The following ZMYM1 variants were observed in gnomAD, a reference collection of about 807,000 sequenced individuals.
ZMYM1 encodes the protein zinc finger MYM-type containing 1.
ZMYM1 carries 39 observed loss-of-function variants against 60.0 expected under a neutral mutation model. The observed-to-expected ratio is 0.65, with a 90% CI of 0.50 to 0.85. The LOEUF (loss-of-function observed/expected upper bound fraction) is 0.85. Ranked by LOEUF, ZMYM1 falls within the 40% of genes least tolerant of loss-of-function variation. ZMYM1 has a pLI of 0.00. For missense variants in ZMYM1, 1,171 were observed against 1,309.5 expected, an observed-to-expected ratio of 0.89 and a Z score of 1.63; for synonymous variants, 413 against 454.0, an observed-to-expected ratio of 0.91 and a Z score of 1.15.
chr1:35,088,412 C>T (rs1056835132), intron 1 of ZMYM1, among the ~76,000 whole-genome samples: 6 of 116,762 alleles, frequency 5.1e-5, no homozygotes, highest in Non-Finnish European at 8.9e-5. Flanking sequence ...AGTGAGACTC[C>T]ATCTCAAAAA....
Position 35,115,260 on chromosome 1 carries a change from T to TA in ZMYM1, c.*2dup, listed in dbSNP as rs779179459. 6.4e-7 allele frequency: 1 copy of TA among 1,566,468 alleles called. No homozygotes were observed. The highest frequency in any genetic ancestry group is 1.2e-5 in the South Asian group (1 of 82,602). On this transcript the variant is annotated 3_prime_UTR_variant, in exon 10 of 10. Transcript: ENST00000359858. Reference sequence around the variant, plus strand: ...TATCAGTCAGATGAAAGAAATATAATACATGCTCATTTGAACTTACCTAAA... The same window carrying TA: ...TATCAGTCAGATGAAAGAAATATAATAACATGCTCATTTGAACTTACCTAAA...
intron 1 of ZMYM1, among the ~76,000 whole-genome samples, chr1:35,087,675 G>A (rs916682894): frequency 2.3e-4 from 35 of 152,116 alleles, no homozygotes; most frequent in African/African-American, 7.2e-4. Flanking sequence ...TGATCAGCCC[G>A]CGTTGGCCTC....
At chr1:35,077,773 C>CT (rs1467427202), upstream of ZMYM1, among the ~76,000 whole-genome samples, 1 of 152,184 alleles carries the variant, frequency 6.6e-6, no homozygotes, top group Admixed American at 6.6e-5. Flanking sequence ...CTTAAAAACT[C>CT]TGATTCCCAA....
intron 1 of ZMYM1, among the ~76,000 whole-genome samples, chr1:35,086,144 C>T (rs1489342342): frequency 6.6e-6 from 1 of 152,092 alleles, no homozygotes; most frequent in Non-Finnish European, 1.5e-5. Context: ...ATTTGAATTT[C>T]ATTATATAAA....
At chr1:35,063,911 T>C (rs1290381231) in intron 1 of ZMYM1, among the ~76,000 whole-genome samples, 3 of 152,158 alleles carry the variant, frequency 2.0e-5, no homozygotes, top group Non-Finnish European at 4.4e-5. Context: ...TTTCCCTCAC[T>C]GATAATGGAG....
Position 35,114,586 on chromosome 1 carries a change from T to A in ZMYM1, c.2756T>A (p.Ile919Lys). 1 of 1,609,698 alleles carries A rather than the reference T, an allele frequency of 6.2e-7. No homozygotes were observed. Among genetic ancestry groups the A allele is most frequent in the African/African-American group, 1.3e-5 (1 of 74,870 alleles). The change falls in exon 10 of 10, where the codon ATA becomes AAA. Residue 919 changes from isoleucine to lysine, a missense_variant. Coordinates refer to ENST00000359858, the MANE Select transcript of ZMYM1 (RefSeq NM_024772.5). The part of the protein sequence containing the change: ...FKTIWDGTEE[I>K]CQKITCKGFK... Reference sequence around the variant, plus strand: ...ACAATCTGGGATGGAACAGAGGAAATATGTCAAAAAATAACCTGTAAAGGT... The same window carrying A: ...ACAATCTGGGATGGAACAGAGGAAAAATGTCAAAAAATAACCTGTAAAGGT...
At chr1:35,087,953 CAGG>C (rs1287646926) in intron 1 of ZMYM1, among the ~76,000 whole-genome samples, 2 of 151,958 alleles carry the variant, frequency 1.3e-5, no homozygotes, top group East Asian at 3.9e-4. Context: ...CCCAGCTACT[CAGG>C]AGGCTGAGGC....
At chr1:35,109,167 G>T (rs536270583) in intron 6 of ZMYM1, among the ~76,000 whole-genome samples, 39 of 151,696 alleles carry the variant, frequency 2.6e-4, no homozygotes, top group African/African-American at 9.4e-4. Context: ...GACTACAGGC[G>T]CACGCCACCA....
chr1:35,100,808 CTT>C (rs534389487), intron 4 of ZMYM1, among the ~76,000 whole-genome samples: 7 of 144,008 alleles, frequency 4.9e-5, no homozygotes, highest in Admixed American at 1.4e-4. Context: ...GTTGGCGTTT[CTT>C]TTTTTTTTTT....
At position 35,113,993 on chromosome 1, in the gene ZMYM1, T is replaced by C. The variant is rs201727885; in HGVS notation, c.2163T>C (p.Asn721=). The C allele has an allele frequency of 6.2e-7, 1 of 1,607,532 alleles. No individual in the cohort carries two copies. Among genetic ancestry groups the C allele is most frequent in the African/African-American group, 1.3e-5 (1 of 74,580 alleles). Reference sequence around the variant, plus strand: ...GCCAGGCCTATGATAGCACCACTAATTTGAAGATAAAATTTAATAAAATAG... The same window carrying C: ...GCCAGGCCTATGATAGCACCACTAACTTGAAGATAAAATTTAATAAAATAG... The part of the protein sequence containing the change: ...IHGQAYDSTT[N]LKIKFNKIAA... The change falls in exon 10 of 10, where the codon AAT becomes AAC. Residue 721 remains asparagine (N), a synonymous_variant. Coordinates refer to ENST00000359858, the MANE Select transcript of ZMYM1 (RefSeq NM_024772.5).
chr1:35,066,200 A>T (rs779503442), intron 1 of ZMYM1, among the ~76,000 whole-genome samples: 2 of 152,156 alleles, frequency 1.3e-5, no homozygotes, highest in Non-Finnish European at 2.9e-5. Flanking sequence ...TTAGAAAATA[A>T]TTTTTTGGTT....
At chr1:35,101,484 A>C (rs1643654429) in intron 4 of ZMYM1, among the ~76,000 whole-genome samples, 1 of 149,102 alleles carries the variant, frequency 6.7e-6, no homozygotes, top group Non-Finnish European at 1.5e-5. Flanking sequence ...ATAAAAACTA[A>C]GAAGCATTTT....
chr1:35,078,841 A>C (rs1031326131), upstream of ZMYM1, among the ~76,000 whole-genome samples: 3 of 151,914 alleles, frequency 2.0e-5, no homozygotes, highest in Non-Finnish European at 4.4e-5. Context: ...GACCCACCAC[A>C]CCCAGCCTGG....
downstream of ZMYM1, among the ~76,000 whole-genome samples, chr1:35,117,108 G>A (rs1184508951): frequency 6.7e-6 from 1 of 148,520 alleles, no homozygotes; most frequent in African/African-American, 2.5e-5. Flanking sequence ...TGGGATTACA[G>A]GCGTGAGCCA....
At chr1:35,098,922 C>T (rs1007242767) in intron 4 of ZMYM1, among the ~76,000 whole-genome samples, 1 of 152,130 alleles carries the variant, frequency 6.6e-6, no homozygotes, top group Non-Finnish European at 1.5e-5. Context: ...TCAGGTCTTA[C>T]CCAGACCTGC....
chr1:35,070,691 C>T (rs1449319430), intron 1 of ZMYM1, among the ~76,000 whole-genome samples: 1 of 151,832 alleles, frequency 6.6e-6, no homozygotes, highest in Non-Finnish European at 1.5e-5. Flanking sequence ...CCTGTTCTTA[C>T]AAGAAAAGCT....
At chr1:35,096,660 A>G (rs1217252160) in intron 3 of ZMYM1, among the ~76,000 whole-genome samples, 1 of 152,020 alleles carries the variant, frequency 6.6e-6, no homozygotes, top group Non-Finnish European at 1.5e-5. Context: ...CAGCCTCCCA[A>G]GTAACTAGGA....
intron 1 of ZMYM1, among the ~76,000 whole-genome samples, chr1:35,079,664 G>GT (rs1557635394): frequency 6.7e-6 from 1 of 148,212 alleles, no homozygotes; most frequent in African/African-American, 2.6e-5. Context: ...CTCATAGACT[G>GT]GGGGGGTTAG....
intron 1 of ZMYM1, among the ~76,000 whole-genome samples, chr1:35,085,961 C>T (rs988493821): frequency 1.2e-4 from 18 of 152,232 alleles, no homozygotes; most frequent in African/African-American, 2.9e-4. Context: ...ATCCTCCTGC[C>T]GTGACAAATA....
Sources: gnomAD v4.1 joint callset for allele counts (sites outside exome capture counted in the v4.1 genomes callset) on GRCh38, gnomAD v4.1.1 for gene constraint, MANE v1.5 for transcripts, NCBI Gene and HGNC (gene_info 2026-07-23, HGNC 2026-07-21) for gene names.